Variants in DDB1 observed in about 807,000 individuals in gnomAD.
DDB1 encodes damage specific DNA binding protein 1.
In DDB1, 18 loss-of-function variants were observed where a neutral mutation model predicts 133.1. The observed-to-expected ratio is 0.14, with a 90% CI of 0.09 to 0.20. DDB1 has a LOEUF of 0.20. DDB1 is among the 10% of genes least tolerant of loss of function. DDB1 has a pLI of 1.00. For synonymous variants in DDB1, 580 were observed against 550.5 expected (o/e 1.05, Z -0.75); for missense variants, 828 against 1,459.2 (o/e 0.57, Z 7.05).
Position 61,323,505 on chromosome 11 carries a change from C to T in DDB1, c.922-411G>A, listed in dbSNP as rs192844749. On this transcript the variant is annotated intron_variant, in intron 7 of 26. Coordinates refer to ENST00000301764, the MANE Select transcript of DDB1 (RefSeq NM_001923.5). ...TCACTGACTGCAACATCGACCTCCC[C>T]GGGCTAAGGTGATCCTCCCACCTCA... 70 of 241,876 alleles carry T rather than the reference C, an allele frequency of 2.9e-4. 3 individuals are homozygous for T. The East Asian group carries it at 2.9e-3, about 10-fold the overall frequency. 15.0% of individuals were successfully genotyped at this position (241,876 alleles called of 1,614,324 possible). A position where few individuals can be genotyped will look rare whatever the true frequency, so the allele number is the denominator to read the frequency against.
intron 5 of DDB1, chr11:61,325,967 A>G (rs2134933721): frequency 3.7e-6 from 2 of 546,702 alleles, no homozygotes; most frequent in Non-Finnish European, 6.6e-6. Flanking sequence ...AGTCTTCTCC[A>G]TGTTCTTCCC....
At chr11:61,319,038 C>G (rs1396877044) in intron 10 of DDB1, among the ~76,000 whole-genome samples, 1 of 152,148 alleles carries the variant, frequency 6.6e-6, no homozygotes, top group Non-Finnish European at 1.5e-5. Context: ...GTCTCTACCT[C>G]TACCAAACAC....
chr11:61,303,817 G>A, intron 22 of DDB1, 48 bp downstream of exon 22: 2 of 1,603,458 alleles, frequency 1.2e-6, no homozygotes, highest in East Asian at 2.2e-5. Context: ...ACTTGCAGGG[G>A]CGGTGGCTCA....
At chr11:61,302,838 T>C in intron 23 of DDB1, 87 bp from the exon 24 acceptor site, 1 of 1,538,992 alleles carries the variant, frequency 6.5e-7, no homozygotes, top group Non-Finnish European at 8.9e-7. Context: ...GTCACGGTGC[T>C]CAATTTCCCT....
At chr11:61,304,112 T>G in intron 21 of DDB1, 77 bp from the exon 22 acceptor site, 1 of 1,532,454 alleles carries the variant, frequency 6.5e-7, no homozygotes, top group Non-Finnish European at 9.0e-7. Context: ...CTTCGACCCT[T>G]CATCTGCAGC....
intron 16 of DDB1, among the ~76,000 whole-genome samples, chr11:61,312,596 A>C (rs1590686872): frequency 7.8e-6 from 1 of 128,494 alleles, no homozygotes; most frequent in Admixed American, 8.8e-5. Flanking sequence ...TGCAACCTCC[A>C]CCTCCCAGTT....
Position 61,331,568 on chromosome 11 carries a change from G to A in DDB1, c.185C>T (p.Ala62Val), listed in dbSNP as rs1205322944. Residue 62 changes from alanine to valine, a missense_variant, in exon 2 of 27, where the codon GCG becomes GTG. Transcript: ENST00000301764. ...VKEVGMYGKIAVMELFRPKGE... is the reference protein window; with the variant it reads ...VKEVGMYGKIVVMELFRPKGE... Reference sequence around the variant, plus strand: ...CTTGGGCCTGAAAAGCTCCATGACCGCAATCTTCCCATACATGCCCACCTC... The same window carrying A: ...CTTGGGCCTGAAAAGCTCCATGACCACAATCTTCCCATACATGCCCACCTC... The A allele has an allele frequency of 2.5e-6, 4 of 1,613,922 alleles. No individual in the cohort carries two copies. The highest frequency in any genetic ancestry group is 2.2e-5 in the East Asian group (1 of 44,896).
At chr11:61,318,781 T>G (rs1383282273) in intron 10 of DDB1, among the ~76,000 whole-genome samples, 1 of 152,238 alleles carries the variant, frequency 6.6e-6, no homozygotes, top group Non-Finnish European at 1.5e-5. Context: ...TATGGCTTCA[T>G]TTTTTTACAT....
intron 3 of DDB1, 100 bp downstream of exon 3, chr11:61,329,858 T>C: frequency 9.6e-7 from 1 of 1,044,948 alleles, no homozygotes; most frequent in Non-Finnish European, 1.4e-6. Flanking sequence ...TCCTTATTTC[T>C]CTGATCGAAT....
chr11:61,327,987 T>C (rs979424855), intron 4 of DDB1, among the ~76,000 whole-genome samples: 2 of 152,114 alleles, frequency 1.3e-5, no homozygotes, highest in Non-Finnish European at 2.9e-5. Flanking sequence ...CATCAATGAG[T>C]AGGGTTATGA....
chr11:61,310,576 G>A lies in DDB1; in HGVS notation c.2278-158C>T, dbSNP rs28720325. 854 of 737,008 alleles carry A rather than the reference G, an allele frequency of 1.2e-3. 8 individuals carry two copies. The African/African-American group carries it at 0.014, about 12-fold the overall frequency. 45.7% of individuals were successfully genotyped at this position (737,008 alleles called of 1,614,324 possible). On this transcript the variant is annotated intron_variant, in intron 18 of 26. Transcript: ENST00000301764. ...GGAGCCTGAGGAGAGTGTTTCAGAGGAGGCATGTAGTTGAAACATCAATCC... is the reference window on the plus strand; with the variant it reads ...GGAGCCTGAGGAGAGTGTTTCAGAGAAGGCATGTAGTTGAAACATCAATCC...
intron 22 of DDB1, 127 bp downstream of exon 22, chr11:61,303,738 G>C (rs1590678839): frequency 1.1e-5 from 6 of 558,576 alleles, no homozygotes; most frequent in Admixed American, 2.8e-5. Flanking sequence ...AATCAATGTA[G>C]AATGTCTGCT....
At chr11:61,313,294 C>T (rs1446692189) in intron 16 of DDB1, among the ~76,000 whole-genome samples, 1 of 152,128 alleles carries the variant, frequency 6.6e-6, no homozygotes, top group Non-Finnish European at 1.5e-5. Context: ...AACCTCAGAC[C>T]CACTGAGGAT....
Position 61,302,376 on chromosome 11 carries a change from G to A in DDB1, c.3113-17C>T, listed in dbSNP as rs750481253. On this transcript the variant is annotated splice_polypyrimidine_tract_variant and intron_variant, in intron 24 of 26. Coordinates refer to ENST00000301764, the MANE Select transcript of DDB1 (RefSeq NM_001923.5). ...TCACCAGCCCTGAAGAAGTGAAGGA[G>A]GCAGTGAGCTGCAGAGAGCTCAACC... The A allele has an allele frequency of 6.2e-7, 1 of 1,610,022 alleles. No homozygotes were observed. The highest frequency in any genetic ancestry group is 2.2e-5 in the East Asian group (1 of 44,880).
chr11:61,328,539 A>C (rs188490003), intron 4 of DDB1, among the ~76,000 whole-genome samples: 2 of 152,338 alleles, frequency 1.3e-5, no homozygotes, highest in Admixed American at 1.3e-4. Flanking sequence ...GCCCAGGATC[A>C]GCTCTGCTAC....
chr11:61,327,063 A>G (rs1440020048), intron 4 of DDB1, 170 bp from the exon 5 acceptor site: 2 of 614,488 alleles, frequency 3.3e-6, no homozygotes, highest in Admixed American at 5.9e-5. Flanking sequence ...GCCTGGGATG[A>G]ATTCCTAGGT....
rs575501876 is a variant in DDB1 at position 61,302,761 on chromosome 11, G to A, written c.2943-10C>T. The A allele has an allele frequency of 1.7e-5, 28 of 1,614,004 alleles. No homozygotes were observed. The highest frequency in any genetic ancestry group is 6.7e-5 in the Admixed American group (4 of 60,018). On this transcript the variant is annotated splice_polypyrimidine_tract_variant and intron_variant, in intron 23 of 26. Transcript: ENST00000301764. Reference sequence around the variant, plus strand: ...GTCAGTGGTGGCAGCGCTGAAAGGCGGTAAGAAAGTCACTTTCTGAACCTC... The same window carrying A: ...GTCAGTGGTGGCAGCGCTGAAAGGCAGTAAGAAAGTCACTTTCTGAACCTC...
chr11:61,332,293 G>A (rs1391421459), intron 1 of DDB1: 1 of 153,284 alleles, frequency 6.5e-6, no homozygotes, highest in African/African-American at 2.4e-5. Flanking sequence ...AGCTGAGAAT[G>A]TGGGTTAAGA....
intron 8 of DDB1, chr11:61,322,738 T>A (rs1175888332): frequency 1.8e-6 from 1 of 544,000 alleles, no homozygotes; most frequent in East Asian, 2.9e-5. Flanking sequence ...AAGAAGTCCA[T>A]TACATTAAAC....
Sources: allele counts gnomAD v4.1 joint callset (sites outside exome capture counted in the v4.1 genomes callset), GRCh38; gene constraint gnomAD v4.1.1; transcripts MANE v1.5; gene names NCBI Gene and HGNC (gene_info 2026-07-23, HGNC 2026-07-21).